WDR90: variants seen among roughly 807,000 people sequenced by gnomAD.
WDR90 encodes the protein WD repeat domain 90.
A neutral mutation model predicts 195.2 loss-of-function variants in WDR90; 238 were observed. That is an observed-to-expected ratio of 1.22 (90% CI 1.10 to 1.36). The LOEUF is 1.36. Ranked by LOEUF, WDR90 falls within the 40% of genes most tolerant of loss-of-function variation. WDR90 has a pLI of 0.00. For synonymous variants in WDR90, 1,265 were observed against 1,052.4 expected, an observed-to-expected ratio of 1.20 and a Z score of -3.91; for missense variants, 2,734 against 2,439.5, an observed-to-expected ratio of 1.12 and a Z score of -2.54.
intron 35 of WDR90, 25 bp downstream of exon 35, chr16:665,826 G>T: frequency 1.3e-6 from 2 of 1,560,874 alleles, no homozygotes; most frequent in East Asian, 4.5e-5. Flanking sequence ...CCCGGGCCGG[G>T]GGCGGGATGG....
In WDR90 at chr16:649,973, G is replaced by C; in HGVS notation, c.103-18G>C. Reference sequence around the variant, plus strand: ...TTCTTCTGGGTGCTGTCGGTGATGCGGGCTCCCGCTTCTCCAGGACAAGAC... The same window carrying C: ...TTCTTCTGGGTGCTGTCGGTGATGCCGGCTCCCGCTTCTCCAGGACAAGAC... On this transcript the variant is annotated intron_variant, in intron 2 of 40. Coordinates refer to ENST00000293879, the MANE Select transcript of WDR90 (RefSeq NM_145294.5). 1 of 1,611,100 alleles carries C rather than the reference G, an allele frequency of 6.2e-7. No homozygotes were observed. The highest frequency in any genetic ancestry group is 8.5e-7 in the Non-Finnish European group (1 of 1,178,760).
chr16:660,909 G>A (rs2037883574), intron 28 of WDR90, 142 bp from the exon 29 acceptor site: 2 of 872,748 alleles, frequency 2.3e-6, no homozygotes, highest in Non-Finnish European at 3.3e-6. Context: ...GCTGGGGAGG[G>A]CGCAGCTGGG....
chr16:658,470 A>G (rs566809403), intron 22 of WDR90, 55 bp from the exon 23 acceptor site: 3 of 1,584,782 alleles, frequency 1.9e-6, no homozygotes, highest in East Asian at 2.3e-5. Flanking sequence ...GGGAGGCCCC[A>G]GGCTGCTGGC....
Position 652,019 on chromosome 16 carries a change from G to T in WDR90, c.1033G>T (p.Ala345Ser). 6.3e-7 allele frequency: 1 copy of T among 1,598,574 alleles called. No individual in the cohort carries two copies. Among genetic ancestry groups the T allele is most frequent in the East Asian group, 2.3e-5 (1 of 44,218 alleles). ...LTHESAEVPV[A>S]RTGSCEGFLP... ...TCACGAGTCGGCTGAGGTGCCCGTG[G>T]CCCGCACCGGCTCCTGCGAAGTGAG... The change falls in exon 9 of 41, where the codon GCC becomes TCC. Residue 345 changes from alanine (A) to serine (S), a missense_variant. By Grantham distance (99) the Ala-to-Ser change is moderately conservative. Transcript: ENST00000293879.
chr16:663,111 T>G (rs2037951860), intron 34 of WDR90: 1 of 615,422 alleles, frequency 1.6e-6, no homozygotes, highest in African/African-American at 1.8e-5. Flanking sequence ...CGTTTTTTTG[T>G]TTGTTTGTTT....
chr16:657,467 G>T (rs1435275162), intron 20 of WDR90: 9 of 734,962 alleles, frequency 1.2e-5, no homozygotes, highest in Non-Finnish European at 1.9e-5. Flanking sequence ...CCAAGCTCCA[G>T]GTCAGCAGCT....
At chr16:657,373 C>T (rs1247505556) in intron 20 of WDR90, 152 bp downstream of exon 20, 1 of 1,214,528 alleles carries the variant, frequency 8.2e-7, no homozygotes, top group Non-Finnish European at 1.1e-6. Context: ...CTTGTCAAGG[C>T]CCTGAGGAGA....
intron 13 of WDR90, 172 bp downstream of exon 13, chr16:653,975 G>A: frequency 5.0e-6 from 4 of 794,960 alleles, no homozygotes; most frequent in South Asian, 3.9e-5. Context: ...CCCGTGCCCT[G>A]CACAAAAACC....
intron 30 of WDR90, 30 bp downstream of exon 30, chr16:661,531 G>C: frequency 3.8e-6 from 6 of 1,559,012 alleles, no homozygotes; most frequent in Non-Finnish European, 5.2e-6. Flanking sequence ...GAGGCCAGGG[G>C]CTTCCCTAGA....
At chr16:658,823 T>C in intron 23 of WDR90, 73 bp from the exon 24 acceptor site, 1 of 1,587,286 alleles carries the variant, frequency 6.3e-7, no homozygotes. Context: ...GGGCTCACCG[T>C]CCCTGGGGAC....
At position 665,703 on chromosome 16, in the gene WDR90, G is replaced by A. The variant is rs201425786; in HGVS notation, c.4336G>A (p.Gly1446Arg). 3.5e-4 allele frequency: 568 copies of A among 1,612,628 alleles called. 1 individual carries two copies. Among genetic ancestry groups the A allele is most frequent in the Middle Eastern group, 1.5e-3 (9 of 6,060 alleles). The change falls in exon 35 of 41, where the codon GGG (glycine) becomes AGG (arginine). Residue 1446 changes from glycine to arginine, a missense_variant. Transcript: ENST00000293879. ...SKVNEVVFSP[G>R]ESHCATCSED... The stretch of plus-strand genomic sequence containing the variant: ...GGTGAACGAGGTGGTCTTCAGCCCC[G>A]GGGAGTCCCACTGCGCCACATGCAG...
chr16:665,935 A>C lies in WDR90; in HGVS notation c.4435-15A>C, dbSNP rs755844749. The C allele has an allele frequency of 2.3e-5, 36 of 1,573,928 alleles. No homozygotes were observed. In the Admixed American group the frequency reaches 6.2e-4, roughly 27 times the overall value. ...CCCCTGTGAGTGCTGAAGTTTCCCC[A>C]CTGTGGGTCCCCAGAGCTGCCTCTG... On this transcript the variant is annotated splice_polypyrimidine_tract_variant and intron_variant, in intron 35 of 40. Transcript: ENST00000293879.
In WDR90 at chr16:658,547, C is replaced by G; in HGVS notation, c.2789C>G (p.Pro930Arg). Residue 930 changes from proline to arginine, a missense_variant, in exon 23 of 41, where the codon CCC becomes CGC. Pro to Arg is a moderately radical substitution (Grantham distance 103, BLOSUM62 -2). Coordinates refer to ENST00000293879, the MANE Select transcript of WDR90 (RefSeq NM_145294.5). ...IRELPGVHPEPCPSLTLSEDA... is the reference protein window; with the variant it reads ...IRELPGVHPERCPSLTLSEDA... ...CAGCTGCCCGGTGTCCACCCTGAGC[C>G]CTGCCCCTCCTTGACGCTCAGTGAG... 1 of 1,612,540 alleles carries G rather than the reference C, an allele frequency of 6.2e-7. No homozygotes were observed. Among genetic ancestry groups the G allele is most frequent in the Non-Finnish European group, 8.5e-7 (1 of 1,179,788 alleles).
intron 10 of WDR90, among the ~76,000 whole-genome samples, 164 bp from the exon 11 acceptor site, chr16:653,177 G>T (rs1299783861): frequency 6.6e-6 from 1 of 152,154 alleles, no homozygotes; most frequent in Non-Finnish European, 1.5e-5. Context: ...GTGTGTGCAG[G>T]GTGTGTGTTC....
intron 26 of WDR90, among the ~76,000 whole-genome samples, chr16:659,620 T>G (rs1477336675): frequency 6.6e-6 from 1 of 151,720 alleles, no homozygotes; most frequent in Non-Finnish European, 1.5e-5. Flanking sequence ...CCAGGCACCT[T>G]GTCCCCGTCA....
At chr16:649,879 A>C in intron 2 of WDR90, 25 bp downstream of exon 2, 2 of 1,576,322 alleles carry the variant, frequency 1.3e-6, no homozygotes, top group Non-Finnish European at 1.7e-6. Flanking sequence ...GCTCGCCCGG[A>C]GCCCACACCC....
intron 5 of WDR90, 143 bp downstream of exon 5, chr16:650,852 G>A: frequency 6.8e-7 from 1 of 1,464,458 alleles, no homozygotes; most frequent in East Asian, 2.3e-5. Flanking sequence ...CCCAGAGGCA[G>A]CCCTGGGGTC....
chr16:659,471 GGGTGCA>G, intron 26 of WDR90, 95 bp downstream of exon 26: 1 of 1,484,836 alleles, frequency 6.7e-7, no homozygotes, highest in African/African-American at 1.4e-5. Flanking sequence ...TCCAGCTCTG[GGGTGCA>G]GGTGCCATCG....
intron 13 of WDR90, 79 bp from the exon 14 acceptor site, chr16:654,950 T>G: frequency 7.0e-7 from 1 of 1,427,624 alleles, no homozygotes. Flanking sequence ...CACCTCCGGG[T>G]GGGGCTCGGC....
Sources: gnomAD v4.1 joint callset for allele counts (sites outside exome capture counted in the v4.1 genomes callset) on GRCh38, gnomAD v4.1.1 for gene constraint, MANE v1.5 for transcripts, NCBI Gene and HGNC (gene_info 2026-07-23, HGNC 2026-07-21) for gene names.